The following CAMTA1 variants were observed in gnomAD, a reference collection of about 807,000 sequenced individuals.
CAMTA1 encodes calmodulin-binding transcription activator 1.
Under a neutral mutation model 170.9 loss-of-function variants are expected in CAMTA1, and 27 were observed. That is an observed-to-expected ratio of 0.16 (90% confidence interval 0.12 to 0.22). CAMTA1 has a LOEUF of 0.22. Among genes scored for constraint, CAMTA1 ranks in the 10% least tolerant of loss-of-function variants. The probability of loss-of-function intolerance (pLI) is 1.00; values close to 1 mark genes in which losing one functional copy is unlikely to be tolerated. For synonymous variants in CAMTA1, 833 were observed against 891.5 expected, an observed-to-expected ratio of 0.93 and a Z score of 1.17; for missense variants, 1,619 against 2,217.2, an observed-to-expected ratio of 0.73 and a Z score of 5.42.
At chr1:7,193,652 G>A (rs866203332) in intron 4 of CAMTA1, among the ~76,000 whole-genome samples, 1 of 152,134 alleles carries the variant, frequency 6.6e-6, no homozygotes, top group East Asian at 1.9e-4. Context: ...CCTGCAGAAG[G>A]GGGTGCGGAA....
Position 7,050,905 on chromosome 1 carries a change from T to C in CAMTA1, c.235-40399T>C, listed in dbSNP as rs1009360728. On this transcript the variant is annotated intron_variant, in intron 3 of 22. Coordinates refer to ENST00000303635, the MANE Select transcript of CAMTA1 (RefSeq NM_015215.4). This position sits in a 1 kb window ranked among gnomAD's most constrained non-coding sequence, Gnocchi z 4.8. ...CTGGCCATTCGTCTTGAGGCCCCAC[T>C]GCAGGGAGCAGCGCTGGAAGCCCGG... Among the ~76,000 whole-genome samples the C allele has an allele frequency of 6.6e-6, 1 of 152,174 alleles. No individual in the cohort carries two copies. Among genetic ancestry groups the C allele is most frequent in the Admixed American group, 6.5e-5 (1 of 15,286 alleles).
chr1:7,564,200 C>T (rs574285426), intron 6 of CAMTA1, among the ~76,000 whole-genome samples: 5 of 152,278 alleles, frequency 3.3e-5, no homozygotes, highest in South Asian at 2.1e-4. Flanking sequence ...CCTCTATTTC[C>T]GGCTATTGGG....
At chr1:7,429,939 T>C (rs989888363) in intron 5 of CAMTA1, among the ~76,000 whole-genome samples, 1 of 152,078 alleles carries the variant, frequency 6.6e-6, no homozygotes, top group Non-Finnish European at 1.5e-5. Flanking sequence ...AAGAATTCAC[T>C]GTCACCACGA....
chr1:7,512,389 A>G (rs1346132686), intron 6 of CAMTA1, among the ~76,000 whole-genome samples: 1 of 152,216 alleles, frequency 6.6e-6, no homozygotes, highest in East Asian at 1.9e-4. Flanking sequence ...GCAATTTCAA[A>G]TGGTGGGGCA....
At chr1:6,989,363 T>C (rs1695930269) in intron 3 of CAMTA1, among the ~76,000 whole-genome samples, 1 of 152,220 alleles carries the variant, frequency 6.6e-6, no homozygotes, top group Non-Finnish European at 1.5e-5. Context: ...GAAAGCGATT[T>C]ACATGCGCTC....
intron 6 of CAMTA1, among the ~76,000 whole-genome samples, chr1:7,498,670 ATT>A (rs2093887928): frequency 6.6e-6 from 1 of 152,064 alleles, no homozygotes; most frequent in Non-Finnish European, 1.5e-5. Flanking sequence ...GTATGACTAC[ATT>A]GAGTGCATGC....
At chr1:7,306,390 A>G (rs898299605) in intron 5 of CAMTA1, among the ~76,000 whole-genome samples, 1 of 151,910 alleles carries the variant, frequency 6.6e-6, no homozygotes, top group Admixed American at 6.6e-5. Flanking sequence ...ATTGAAAAAA[A>G]AATCTTCTCC....
chr1:6,900,067 G>A (rs1037544985), intron 3 of CAMTA1, among the ~76,000 whole-genome samples: 2 of 152,232 alleles, frequency 1.3e-5, no homozygotes, highest in Admixed American at 1.3e-4. Flanking sequence ...AAAGTCACAT[G>A]TGAAATCCAG....
At chr1:6,876,721 G>A (rs1670011595) in intron 3 of CAMTA1, among the ~76,000 whole-genome samples, 1 of 152,142 alleles carries the variant, frequency 6.6e-6, no homozygotes, top group South Asian at 2.1e-4. Flanking sequence ...GGTACTGCCC[G>A]TCATTAGCTT....
chr1:7,531,385 G>T (rs1392227673), intron 6 of CAMTA1, among the ~76,000 whole-genome samples: 1 of 152,216 alleles, frequency 6.6e-6, no homozygotes. Context: ...CTCGCTGGGG[G>T]TTCCATGAGC....
rs546938694 is a variant in CAMTA1 at position 7,522,427 on chromosome 1, T to C, written c.510+54526T>C. Among the ~76,000 whole-genome samples the C allele has an allele frequency of 1.1e-3, 162 of 152,334 alleles. 6 individuals are homozygous for C. The South Asian group carries it at 0.033, about 31-fold the overall frequency. ...GCTGACTATGTGATTTGCAAATATT[T>C]TCTCCCAGTCTGTAGCTTGCTTTTT... On this transcript the variant is annotated intron_variant, in intron 6 of 22. Coordinates refer to ENST00000303635, the MANE Select transcript of CAMTA1 (RefSeq NM_015215.4).
At chr1:6,926,562 T>TTCTCTCTCTCTCCTTCTC (rs1459740445) in intron 3 of CAMTA1, among the ~76,000 whole-genome samples, 15 of 138,906 alleles carry the variant, frequency 1.1e-4, no homozygotes. Context: ...CCTTCCTTCT[T>TTCTCTCTCTCTCCTTCTC]TCTCTCTCTC....
intron 5 of CAMTA1, among the ~76,000 whole-genome samples, chr1:7,466,071 G>C (rs2093204218): frequency 6.6e-6 from 1 of 152,188 alleles, no homozygotes; most frequent in South Asian, 2.1e-4. Context: ...ACCTGCCTGT[G>C]AGAACATGCA....
rs1573417844 is a variant in CAMTA1, at chr1:7,144,026, T to C, written c.302+52655T>C. ...AGATACACCACTTTTTGAATCTAGG[T>C]ATGCAATTTTAATTGCATCTGTCTT... On this transcript the variant is annotated intron_variant, in intron 4 of 22. Coordinates refer to ENST00000303635, the MANE Select transcript of CAMTA1 (RefSeq NM_015215.4). This position sits in a 1 kb window ranked among gnomAD's most constrained non-coding sequence, Gnocchi z 4.0. Among the ~76,000 whole-genome samples, 1 of 152,226 alleles carries C rather than the reference T, an allele frequency of 6.6e-6. No homozygotes were observed. The highest frequency in any genetic ancestry group is 1.5e-5 in the Non-Finnish European group (1 of 68,036).
At chr1:7,494,891 C>G (rs529496259) in intron 6 of CAMTA1, among the ~76,000 whole-genome samples, 1 of 152,156 alleles carries the variant, frequency 6.6e-6, no homozygotes. Context: ...CAGCCTTGAC[C>G]AGCAAGCCGG....
rs1646056391 is a variant in CAMTA1, at chr1:7,144,283, TTGTG to T, written c.302+52916_302+52919del. 6.6e-6 allele frequency among the ~76,000 whole-genome samples: 1 copy of T among 151,792 alleles called. No individual in the cohort carries two copies. Among genetic ancestry groups the T allele is most frequent in the South Asian group, 2.1e-4 (1 of 4,796 alleles). On this transcript the variant is annotated intron_variant, in intron 4 of 22. Coordinates refer to ENST00000303635, the MANE Select transcript of CAMTA1 (RefSeq NM_015215.4). This position sits in a 1 kb window ranked among gnomAD's most constrained non-coding sequence, Gnocchi z 4.0. ...TGTGTTTGTGTGTATGAGTGTGTGT[TTGTG>T]TGTATGAGTGTGTGAGAGACAGCAA... is the stretch of plus-strand genomic sequence containing the variant.
At chr1:7,706,955 C>T (rs2096531000) in intron 11 of CAMTA1, among the ~76,000 whole-genome samples, 1 of 150,262 alleles carries the variant, frequency 6.7e-6, no homozygotes, top group South Asian at 2.1e-4. Context: ...GGCATGATCC[C>T]GGCTCACCAC....
chr1:6,999,822 G>T (rs887122243), intron 3 of CAMTA1, among the ~76,000 whole-genome samples: 2 of 152,206 alleles, frequency 1.3e-5, no homozygotes, highest in African/African-American at 4.8e-5. Context: ...TAGAGAATTG[G>T]GGGTGGGGAG....
intron 4 of CAMTA1, among the ~76,000 whole-genome samples, chr1:7,243,421 G>A (rs1665238406): frequency 2.6e-5 from 4 of 152,156 alleles, no homozygotes; most frequent in African/African-American, 9.7e-5. Context: ...GTAAGGAAGG[G>A]ATCCAGTTTC....
Sources: gnomAD v4.1 joint callset for allele counts (sites outside exome capture counted in the v4.1 genomes callset) on GRCh38, gnomAD v4.1.1 for gene constraint, Gnocchi (gnomAD v3.1) non-coding constraint, MANE v1.5 for transcripts, NCBI Gene and HGNC (gene_info 2026-07-23, HGNC 2026-07-21) for gene names.